The following SMC4 variants were observed in gnomAD, a reference collection of about 807,000 sequenced individuals.
SMC4 encodes the protein structural maintenance of chromosomes protein 4.
SMC4 carries 87 observed loss-of-function variants against 145.6 expected under a neutral mutation model. That is an observed-to-expected ratio of 0.60 (90% confidence interval 0.50 to 0.71). The LOEUF is 0.71. SMC4 is among the 30% of genes least tolerant of loss of function. SMC4 has a pLI of 0.00. For missense variants in SMC4, 1,447 were observed against 1,537.1 expected, an observed-to-expected ratio of 0.94 and a Z score of 0.98; for synonymous variants, 558 against 500.7, an observed-to-expected ratio of 1.11 and a Z score of -1.53.
At chr3:160,432,947 T>C (rs1718568555) in intron 22 of SMC4, 79 bp from the exon 23 acceptor site, 10 of 917,322 alleles carry the variant, frequency 1.1e-5, no homozygotes, top group Non-Finnish European at 1.5e-5. Flanking sequence ...ATAGTAGAAC[T>C]CAATTATGGA....
chr3:160,413,622 A>AT lies in SMC4; in HGVS notation c.1121+13dup. ...GTAAAAGATACAGAAAAGTAATAAT[A>AT]TTTTGGGAAGTACTAAAAGTATTTA... On this transcript the variant is annotated intron_variant, in intron 8 of 23. Coordinates refer to ENST00000357388, the MANE Select transcript of SMC4 (RefSeq NM_001002800.3). The AT allele has an allele frequency of 7.6e-7, 1 of 1,312,434 alleles. No homozygotes were observed. Among genetic ancestry groups the AT allele is most frequent in the Non-Finnish European group, 1.1e-6 (1 of 946,530 alleles). The allele number at this position is 1,312,434 out of a possible 1,614,324, so 81.3% of individuals were successfully genotyped here.
chr3:160,427,664 C>G (rs745650961), intron 17 of SMC4, among the ~76,000 whole-genome samples: 2 of 152,170 alleles, frequency 1.3e-5, no homozygotes, highest in Non-Finnish European at 2.9e-5. Flanking sequence ...GTTAATATCT[C>G]ATGTGGAGGA....
At chr3:160,412,274 A>G in intron 6 of SMC4, 52 bp from the exon 7 acceptor site, 4 of 1,521,932 alleles carry the variant, frequency 2.6e-6, no homozygotes, top group Non-Finnish European at 3.6e-6. Context: ...TTTTAAGTTC[A>G]TATTGTACAT....
At chr3:160,402,512 T>C (rs572393286) in intron 3 of SMC4, among the ~76,000 whole-genome samples, 164 bp from the exon 4 acceptor site, 1 of 152,300 alleles carries the variant, frequency 6.6e-6, no homozygotes, top group Non-Finnish European at 1.5e-5. Context: ...GAGAACTTGA[T>C]GTAAGAAAAC....
At position 160,404,337 on chromosome 3, in the gene SMC4, G is replaced by T; in HGVS notation, c.520G>T (p.Asp174Tyr). Reference protein sequence around the residue: ...FQKIIDKEGDDYEVIPNSNFY... With the variant: ...FQKIIDKEGDYYEVIPNSNFY... The stretch of plus-strand genomic sequence containing the variant: ...TTTTTCCTCAAAACAGGAAGGGGAT[G>T]ATTATGAAGTCATTCCTAACAGTAA... Residue 174 changes from aspartate (D) to tyrosine (Y), a missense_variant, in exon 5 of 24, where the codon GAT becomes TAT. Transcript: ENST00000357388. The T allele has an allele frequency of 6.2e-7, 1 of 1,602,396 alleles. No individual in the cohort carries two copies. The highest frequency in any genetic ancestry group is 1.1e-5 in the South Asian group (1 of 88,012).
At chr3:160,404,543 G>T in intron 5 of SMC4, 39 bp downstream of exon 5, 1 of 1,594,532 alleles carries the variant, frequency 6.3e-7, no homozygotes, top group Non-Finnish European at 8.6e-7. Context: ...TCTTATTCTT[G>T]TTACTTTTTT....
rs1714236982 is a variant in SMC4 at position 160,399,688 on chromosome 3, G to A, written c.-67G>A. ...GGACCCGGAGCCGAAACACCGGTAG[G>A]AGCGGGGAGGTGGGTACTACACAAC... On this transcript the variant is annotated 5_prime_UTR_variant, in exon 1 of 24. Transcript: ENST00000357388. The A allele has an allele frequency of 6.5e-6, 1 of 152,682 alleles. No individual in the cohort carries two copies. Among genetic ancestry groups the A allele is most frequent in the African/African-American group, 2.4e-5 (1 of 41,464 alleles). The allele number at this position is 152,682 out of a possible 1,614,324, so 9.5% of individuals were successfully genotyped here.
At position 160,426,054 on chromosome 3, in the gene SMC4, A is replaced by C; in HGVS notation, c.2479-20A>C. 1.9e-6 allele frequency: 3 copies of C among 1,555,730 alleles called. No individual in the cohort carries two copies. Among genetic ancestry groups the C allele is most frequent in the Non-Finnish European group, 2.6e-6 (3 of 1,151,188 alleles). Reference sequence around the variant, plus strand: ...GCAAATGTTAAAATATTGACCTTAAATGTTAAAACTTTTTTGTAGCGTTTA... The same window carrying C: ...GCAAATGTTAAAATATTGACCTTAACTGTTAAAACTTTTTTGTAGCGTTTA... On this transcript the variant is annotated intron_variant, in intron 16 of 23. Transcript: ENST00000357388.
intron 5 of SMC4, among the ~76,000 whole-genome samples, chr3:160,409,037 C>T (rs1362651956): frequency 9.2e-5 from 14 of 151,542 alleles, no homozygotes; most frequent in Non-Finnish European, 1.6e-4. Flanking sequence ...GAGGCCCAGA[C>T]GGGCGGATCA....
At position 160,413,526 on chromosome 3, in the gene SMC4, A is replaced by G. The variant is rs748570033; in HGVS notation, c.1034A>G (p.His345Arg). ...ATGGAAACTCAAAAGGAAAAAATTC[A>G]TGAAGATACCAAAGAAATTAATGAG... ...AEMETQKEKI[H>R]EDTKEINEKS... Residue 345 changes from histidine (H) to arginine (R), a missense_variant, in exon 8 of 24, where the codon CAT becomes CGT. Coordinates refer to ENST00000357388, the MANE Select transcript of SMC4 (RefSeq NM_001002800.3). 1 of 1,591,528 alleles carries G rather than the reference A, an allele frequency of 6.3e-7. No individual in the cohort carries two copies. The highest frequency in any genetic ancestry group is 2.3e-5 in the East Asian group (1 of 44,416).
rs755769854 is a variant in SMC4 at position 160,430,626 on chromosome 3, C to A, written c.2823C>A (p.Val941=). Residue 941 remains valine (V), a synonymous_variant, in exon 19 of 24, where the codon GTC becomes GTA. Coordinates refer to ENST00000357388, the MANE Select transcript of SMC4 (RefSeq NM_001002800.3). ...ACCTTCAAAAGGCACAAGACTCTGT[C>A]TTGCGTACAGAGAAAGAAATAAAAG... The part of the protein sequence containing the change: ...DRNLQKAQDS[V]LRTEKEIKDT... 3 of 1,612,522 alleles carry A rather than the reference C, an allele frequency of 1.9e-6. No homozygotes were observed. The East Asian group carries it at 6.7e-5, about 36-fold the overall frequency.
At chr3:160,410,785 T>A (rs973657487) in intron 5 of SMC4, among the ~76,000 whole-genome samples, 1 of 152,186 alleles carries the variant, frequency 6.6e-6, no homozygotes, top group Admixed American at 6.5e-5. Flanking sequence ...ATTAGTAAGT[T>A]TTACCCCACA....
chr3:160,417,558 A>G (rs566379551), intron 10 of SMC4, 165 bp from the exon 11 acceptor site: 4 of 622,502 alleles, frequency 6.4e-6, no homozygotes, highest in South Asian at 5.9e-5. Flanking sequence ...AATATTGACA[A>G]CTAGGCAAAA....
In SMC4 at chr3:160,432,327, T is replaced by G; in HGVS notation, c.3342T>G (p.Thr1114=). The G allele has an allele frequency of 6.2e-7, 1 of 1,612,444 alleles. No individual in the cohort carries two copies. Among genetic ancestry groups the G allele is most frequent in the East Asian group, 2.2e-5 (1 of 44,834 alleles). Residue 1114 remains threonine (T), a synonymous_variant, in exon 22 of 24, where the codon ACT becomes ACG. Transcript: ENST00000357388. ...GGGTAGCAGAATTGGACAAAATTAC[T>G]TATGAAAGAGACAGTTTTAGACAGG... ...LQRVAELDKI[T]YERDSFRQAY... is the part of the protein sequence containing the mutation.
In SMC4 at chr3:160,425,092, C is replaced by A. The variant is rs1476859475; in HGVS notation, c.2478+73C>A. 17 of 1,472,286 alleles carry A rather than the reference C, an allele frequency of 1.2e-5. No homozygotes were observed. In the South Asian group the frequency reaches 2.2e-4, roughly 19 times the overall value. The allele number at this position is 1,472,286 out of a possible 1,614,324, so 91.2% of individuals were successfully genotyped here. ...GGATTCAACTGGAATTTATCAGAAC[C>A]ATTTTGCTATTTGCTTACAATTTAT... On this transcript the variant is annotated intron_variant, in intron 16 of 23. Transcript: ENST00000357388.
In SMC4 at chr3:160,428,926, A is replaced by G. The variant is rs751113807; in HGVS notation, c.2779A>G (p.Ile927Val). ...TGCTATTACTAAAGCCCAAGTAGCA[A>G]TCAAGACTGCTGACAGGTAGAGTAT... ...ASAITKAQVAIKTADRNLQKA... is the reference protein window; with the variant it reads ...ASAITKAQVAVKTADRNLQKA... Residue 927 changes from isoleucine to valine, a missense_variant, in exon 18 of 24, where the codon ATC (isoleucine) becomes GTC (valine). By Grantham distance (29) the Ile-to-Val change is conservative. Coordinates refer to ENST00000357388, the MANE Select transcript of SMC4 (RefSeq NM_001002800.3). 1.0e-5 allele frequency: 16 copies of G among 1,588,628 alleles called. No individual in the cohort carries two copies. Among genetic ancestry groups the G allele is most frequent in the Admixed American group, 2.0e-5 (1 of 50,322 alleles).
chr3:160,429,415 C>G (rs1576993579), intron 18 of SMC4, among the ~76,000 whole-genome samples: 1 of 152,314 alleles, frequency 6.6e-6, no homozygotes, highest in South Asian at 2.1e-4. Flanking sequence ...ACAGTCAGGG[C>G]TCACTGCAGC....
chr3:160,425,032 G>GTGTGTGTGTGTGTGTA lies in SMC4; in HGVS notation c.2478+28_2478+29insATGTGTGTGTGTGTGT. The GTGTGTGTGTGTGTGTA allele has an allele frequency of 6.5e-7, 1 of 1,532,534 alleles. No homozygotes were observed. Among genetic ancestry groups the GTGTGTGTGTGTGTGTA allele is most frequent in the South Asian group, 1.2e-5 (1 of 83,942 alleles). 94.9% of individuals were successfully genotyped at this position (1,532,534 alleles called of 1,614,324 possible). On this transcript the variant is annotated intron_variant, in intron 16 of 23. Transcript: ENST00000357388. ...TGCAAGCATCCAGGTATGTGTGTGT[G>GTGTGTGTGTGTGTGTA]TGTGTGTGTGTGTGTGTGTGTACTG...
chr3:160,415,366 A>C (rs1184082116), intron 9 of SMC4, among the ~76,000 whole-genome samples: 2 of 152,216 alleles, frequency 1.3e-5, no homozygotes, highest in Non-Finnish European at 2.9e-5. Context: ...CTGTGTCTTA[A>C]AGAGAGATAG....
Sources: gnomAD v4.1 joint callset for allele counts (sites outside exome capture counted in the v4.1 genomes callset) on GRCh38, gnomAD v4.1.1 for gene constraint, MANE v1.5 for transcripts, NCBI Gene and HGNC (gene_info 2026-07-23, HGNC 2026-07-21) for gene names.